The following RGS20 variants were observed in gnomAD, a reference collection of about 807,000 sequenced individuals.
RGS20 encodes the protein gz-selective GTPase-activating protein.
RGS20 carries 30 observed loss-of-function variants against 33.6 expected under a neutral mutation model. The observed-to-expected ratio is 0.89, with a 90% CI of 0.67 to 1.21. The LOEUF (loss-of-function observed/expected upper bound fraction) is 1.21. Among genes scored for constraint, RGS20 ranks in the 50% most tolerant of loss-of-function variants. The probability of loss-of-function intolerance (pLI) is 0.00; values close to 1 mark genes in which losing one functional copy is unlikely to be tolerated. For missense variants in RGS20, 472 were observed against 502.4 expected (o/e 0.94, Z 0.58); for synonymous variants, 208 against 197.9 (o/e 1.05, Z -0.43).
Position 53,877,471 on chromosome 8 carries a change from G to GTCCT in RGS20, c.166-1787_166-1786insTCCT, listed in dbSNP as rs1303200530. ...CACCCCAAGCCCCAGCCGGAGGGGC[G>GTCCT]CGTCCCCTGTCCTCCTCCCGAGCGA... On this transcript the variant is annotated intron_variant, in intron 1 of 5. Coordinates refer to ENST00000297313, the MANE Select transcript of RGS20 (RefSeq NM_170587.4). This position sits in a 1 kb window ranked among gnomAD's most constrained non-coding sequence, Gnocchi z 5.7. 2.6e-5 allele frequency among the ~76,000 whole-genome samples: 4 copies of GTCCT among 152,208 alleles called. No individual in the cohort carries two copies. Among genetic ancestry groups the GTCCT allele is most frequent in the Non-Finnish European group, 5.9e-5 (4 of 68,034 alleles).
chr8:53,859,338 A>T (rs1811757112), intron 1 of RGS20, among the ~76,000 whole-genome samples: 1 of 152,204 alleles, frequency 6.6e-6, no homozygotes, highest in Admixed American at 6.5e-5. Context: ...TCCCATATGA[A>T]AATCAAAGAA....
At chr8:53,931,382 C>A (rs1315801834) in intron 2 of RGS20, among the ~76,000 whole-genome samples, 5 of 152,090 alleles carry the variant, frequency 3.3e-5, no homozygotes, top group Non-Finnish European at 7.4e-5. Flanking sequence ...TGGTGAAACC[C>A]CATCTCTACT....
intron 2 of RGS20, among the ~76,000 whole-genome samples, chr8:53,935,732 C>T (rs1356930754): frequency 1.3e-5 from 2 of 152,146 alleles, no homozygotes; most frequent in African/African-American, 2.4e-5. Flanking sequence ...AAGAGGGACT[C>T]CTCCCTAACT....
intron 5 of RGS20, among the ~76,000 whole-genome samples, chr8:53,957,566 G>C (rs1187453697): frequency 6.6e-6 from 1 of 152,232 alleles, no homozygotes; most frequent in Non-Finnish European, 1.5e-5. Context: ...GGGCCTCCAG[G>C]TGTCAGCCCC....
At chr8:53,856,216 AT>A (rs11366812) in intron 1 of RGS20, among the ~76,000 whole-genome samples, 18,293 of 138,640 alleles carry the variant, frequency 0.13, 2,611 homozygotes, top group African/African-American at 0.4. Context: ...TTATTTTTCA[AT>A]TTTTTTTTTT....
intron 1 of RGS20, chr8:53,876,223 G>A (rs555585485): frequency 4.6e-5 from 7 of 152,270 alleles, no homozygotes; most frequent in African/African-American, 1.7e-4. Flanking sequence ...TTCTGCTATG[G>A]ATATTTCCTT....
chr8:53,901,199 C>G (rs1446146445), intron 2 of RGS20, among the ~76,000 whole-genome samples: 1 of 151,850 alleles, frequency 6.6e-6, no homozygotes, highest in African/African-American at 2.4e-5. Flanking sequence ...TCCCGAGTAG[C>G]TGGGACTACA....
At chr8:53,894,107 C>T (rs111749878) in intron 2 of RGS20, among the ~76,000 whole-genome samples, 1 of 152,212 alleles carries the variant, frequency 6.6e-6, no homozygotes, top group African/African-American at 2.4e-5. Context: ...AACAGGTCCC[C>T]TATGTGCCAT....
At chr8:53,874,397 TGTGTGC>T (rs1451685662) in intron 1 of RGS20, among the ~76,000 whole-genome samples, 2 of 130,176 alleles carry the variant, frequency 1.5e-5, no homozygotes, top group Admixed American at 7.5e-5. Context: ...TGTGTGTGTG[TGTGTGC>T]GCGCGCGTGT....
intron 2 of RGS20, chr8:53,933,773 T>A (rs556057765): frequency 6.6e-6 from 1 of 152,240 alleles, no homozygotes; most frequent in East Asian, 1.9e-4. Context: ...ACGAAGATAT[T>A]CCTCGTAGAG....
intron 2 of RGS20, among the ~76,000 whole-genome samples, chr8:53,911,430 T>G (rs1162924385): frequency 6.6e-6 from 1 of 152,162 alleles, no homozygotes; most frequent in African/African-American, 2.4e-5. Context: ...CCATCAGAAA[T>G]GAGTTACGGT....
intron 2 of RGS20, among the ~76,000 whole-genome samples, chr8:53,897,215 T>G (rs566245292): frequency 1.3e-5 from 2 of 152,348 alleles, no homozygotes; most frequent in East Asian, 3.9e-4. Flanking sequence ...GGAGAGGAAC[T>G]TCTTCAGCAA....
intron 2 of RGS20, among the ~76,000 whole-genome samples, chr8:53,901,041 C>G (rs924243500): frequency 1.3e-5 from 2 of 151,712 alleles, no homozygotes; most frequent in Non-Finnish European, 2.9e-5. Context: ...CAGCAACATG[C>G]CCTGGCCTTC....
chr8:53,927,175 A>T (rs1813823562), intron 2 of RGS20, among the ~76,000 whole-genome samples: 2 of 149,686 alleles, frequency 1.3e-5, no homozygotes, highest in South Asian at 4.2e-4. Flanking sequence ...CCATTTCCTC[A>T]GGATGCTCTT....
At position 53,904,454 on chromosome 8, in the gene RGS20, AT is replaced by A. The variant is rs375014200; in HGVS notation, c.510+24857del. 3.3e-3 allele frequency among the ~76,000 whole-genome samples: 505 copies of A among 152,110 alleles called. 2 individuals carry two copies. The highest frequency in any genetic ancestry group is 0.012 in the African/African-American group (481 of 41,478). On this transcript the variant is annotated intron_variant, in intron 2 of 5. Coordinates refer to ENST00000297313, the MANE Select transcript of RGS20 (RefSeq NM_170587.4). ...GCCACAACTTTGATTTTTGACATTAATTTTTCTATGATGTAAGTGATTTGGC... is the reference window on the plus strand; with the variant it reads ...GCCACAACTTTGATTTTTGACATTAATTTTCTATGATGTAAGTGATTTGGC...
At chr8:53,947,585 A>G (rs899176043) in intron 4 of RGS20, among the ~76,000 whole-genome samples, 3 of 121,890 alleles carry the variant, frequency 2.5e-5, no homozygotes, top group African/African-American at 9.0e-5. Context: ...ATACATTTAT[A>G]TATGCTATAT....
chr8:53,861,846 G>T (rs1811814931), intron 1 of RGS20, among the ~76,000 whole-genome samples: 1 of 152,176 alleles, frequency 6.6e-6, no homozygotes, highest in South Asian at 2.1e-4. Context: ...ACCTGCACCT[G>T]ATTATTTTTA....
intron 1 of RGS20, among the ~76,000 whole-genome samples, chr8:53,855,282 C>T (rs1211806166): frequency 2.6e-5 from 4 of 152,166 alleles, no homozygotes; most frequent in Admixed American, 2.0e-4. Context: ...TCAGGCTGAT[C>T]TTGAACTCCT....
intron 2 of RGS20, among the ~76,000 whole-genome samples, chr8:53,921,523 T>A (rs1396589331): frequency 2.0e-5 from 3 of 151,758 alleles, no homozygotes; most frequent in African/African-American, 7.3e-5. Flanking sequence ...AACTAACCAA[T>A]CTCTTTACTT....
Sources: gnomAD v4.1 joint callset for allele counts (sites outside exome capture counted in the v4.1 genomes callset) on GRCh38, gnomAD v4.1.1 for gene constraint, Gnocchi (gnomAD v3.1) non-coding constraint, MANE v1.5 for transcripts, NCBI Gene and HGNC (gene_info 2026-07-23, HGNC 2026-07-21) for gene names.